The following RBKS variants were observed in gnomAD, a reference collection of about 807,000 sequenced individuals.
The protein encoded by RBKS is ribokinase.
RBKS carries 33 observed loss-of-function variants against 33.9 expected under a neutral mutation model. The observed-to-expected ratio is 0.97, with a 90% CI of 0.74 to 1.30. The LOEUF is 1.30. RBKS is among the 50% of genes most tolerant of loss of function. RBKS has a pLI of 0.00. For synonymous variants in RBKS, 125 were observed against 143.0 expected (o/e 0.87, Z 0.90); for missense variants, 361 against 392.6 (o/e 0.92, Z 0.68).
intron 7 of RBKS, among the ~76,000 whole-genome samples, chr2:27,825,678 T>C (rs1430832231): frequency 6.6e-6 from 1 of 152,202 alleles, no homozygotes; most frequent in Non-Finnish European, 1.5e-5. Context: ...AAGGCAGAGC[T>C]GACAGGGAGG....
chr2:27,889,590 T>G (rs1355251032), intron 1 of RBKS, among the ~76,000 whole-genome samples: 1 of 152,220 alleles, frequency 6.6e-6, no homozygotes, highest in Non-Finnish European at 1.5e-5. Context: ...AACTCAACAA[T>G]TTTCATTTGG....
chr2:27,878,298 G>A, intron 1 of RBKS, among the ~76,000 whole-genome samples: 1 of 150,502 alleles, frequency 6.6e-6, no homozygotes, highest in Non-Finnish European at 1.5e-5. Context: ...TTTTGTTCTT[G>A]CGATAGTTTA....
chr2:27,816,818 C>T (rs1304651616), intron 7 of RBKS, among the ~76,000 whole-genome samples: 1 of 152,118 alleles, frequency 6.6e-6, no homozygotes, highest in Admixed American at 6.6e-5. Flanking sequence ...AGGATGGTCT[C>T]GATCTCCTGA....
intron 6 of RBKS, among the ~76,000 whole-genome samples, chr2:27,831,310 T>C (rs1678410110): frequency 6.6e-6 from 1 of 152,078 alleles, no homozygotes; most frequent in Non-Finnish European, 1.5e-5. Context: ...GAACTTGTAA[T>C]TTAATGGAGA....
At chr2:27,869,271 A>G (rs191612977) in intron 1 of RBKS, among the ~76,000 whole-genome samples, 327 of 152,312 alleles carry the variant, frequency 2.1e-3, no homozygotes, top group Non-Finnish European at 3.6e-3. Flanking sequence ...AGCTGAACCA[A>G]GATGCTGAGA....
At position 27,861,665 on chromosome 2, in the gene RBKS, G is replaced by T. The variant is rs183388360; in HGVS notation, c.90-3094C>A. 579 of 426,280 alleles carry T rather than the reference G, an allele frequency of 1.4e-3. 36 individuals are homozygous for T. In the East Asian group the frequency reaches 0.031, roughly 23 times the overall value. The allele number at this position is 426,280 out of a possible 1,614,324, so 26.4% of individuals were successfully genotyped here. ...GATTAGTATGTTCCATTTCTTTTTGGGGGGGGGGTGGAGTCTCACTTTGTC... is the reference window on the plus strand; with the variant it reads ...GATTAGTATGTTCCATTTCTTTTTGTGGGGGGGGTGGAGTCTCACTTTGTC... On this transcript the variant is annotated intron_variant, in intron 1 of 7. Coordinates refer to ENST00000302188, the MANE Select transcript of RBKS (RefSeq NM_022128.3).
intron 7 of RBKS, among the ~76,000 whole-genome samples, chr2:27,815,717 G>A (rs958110968): frequency 6.6e-6 from 1 of 152,156 alleles, no homozygotes; most frequent in Non-Finnish European, 1.5e-5. Context: ...GACAGGTGGG[G>A]CTTAGACGTA....
intron 6 of RBKS, among the ~76,000 whole-genome samples, chr2:27,829,820 G>T (rs1049606588): frequency 2.6e-5 from 4 of 152,146 alleles, no homozygotes; most frequent in African/African-American, 9.7e-5. Context: ...TTACTTCTTG[G>T]TCAGAGGCTG....
intron 7 of RBKS, chr2:27,782,625 A>G (rs1677309584): frequency 2.1e-6 from 1 of 467,610 alleles, no homozygotes; most frequent in Admixed American, 2.4e-5. Flanking sequence ...TTTTCATCAC[A>G]TCATATTAAG....
chr2:27,888,423 G>A (rs890250927), intron 1 of RBKS, among the ~76,000 whole-genome samples: 1 of 152,026 alleles, frequency 6.6e-6, no homozygotes, highest in Admixed American at 6.6e-5. Context: ...CACTGCGCCC[G>A]GTCCACTTTA....
At chr2:27,887,311 A>G (rs1256854225) in intron 1 of RBKS, among the ~76,000 whole-genome samples, 1 of 152,158 alleles carries the variant, frequency 6.6e-6, no homozygotes, top group Non-Finnish European at 1.5e-5. Flanking sequence ...ATCCTCCTCT[A>G]GAGTCTCCAG....
At chr2:27,838,482 T>C (rs560131279) in intron 5 of RBKS, among the ~76,000 whole-genome samples, 129 of 152,292 alleles carry the variant, frequency 8.5e-4, no homozygotes, top group African/African-American at 3.1e-3. Context: ...TGTATAAAAA[T>C]CAACCTTATT....
At chr2:27,858,316 C>CT (rs1247610969) in intron 2 of RBKS, 123 bp downstream of exon 2, 2 of 854,102 alleles carry the variant, frequency 2.3e-6, no homozygotes, top group African/African-American at 3.4e-5. Flanking sequence ...AAATGCCACT[C>CT]TATGTATTAC....
chr2:27,816,277 TG>T (rs1195143103), intron 7 of RBKS, among the ~76,000 whole-genome samples: 2 of 152,250 alleles, frequency 1.3e-5, no homozygotes, highest in Non-Finnish European at 2.9e-5. Context: ...TCTGTTGATG[TG>T]GAAGTAATGT....
At chr2:27,803,572 C>A (rs1677838869) in intron 7 of RBKS, among the ~76,000 whole-genome samples, 1 of 151,844 alleles carries the variant, frequency 6.6e-6, no homozygotes, top group Non-Finnish European at 1.5e-5. Context: ...TACTTATAGT[C>A]CCGCCTGCTT....
At chr2:27,869,809 C>T (rs1448850890) in intron 1 of RBKS, 1 of 153,400 alleles carries the variant, frequency 6.5e-6, no homozygotes, top group Non-Finnish European at 1.5e-5. Context: ...ACTCCATAAT[C>T]TCGTTTTGGT....
intron 7 of RBKS, among the ~76,000 whole-genome samples, chr2:27,811,847 A>C (rs1398004093): frequency 6.6e-6 from 1 of 152,104 alleles, no homozygotes; most frequent in Non-Finnish European, 1.5e-5. Flanking sequence ...TGTTTGGACA[A>C]AAGGTGGGTT....
At chr2:27,789,379 A>G (rs1677464754) in intron 7 of RBKS, among the ~76,000 whole-genome samples, 1 of 151,934 alleles carries the variant, frequency 6.6e-6, no homozygotes. Context: ...GTCGGCACTA[A>G]AAAAATTTCA....
At chr2:27,846,195 T>G (rs1436672708) in intron 4 of RBKS, among the ~76,000 whole-genome samples, 1 of 152,246 alleles carries the variant, frequency 6.6e-6, no homozygotes, top group Non-Finnish European at 1.5e-5. Flanking sequence ...CTTGAACTCC[T>G]GACCTCAAAT....
Sources: allele counts gnomAD v4.1 joint callset (sites outside exome capture counted in the v4.1 genomes callset), GRCh38; gene constraint gnomAD v4.1.1; transcripts MANE v1.5; gene names NCBI Gene and HGNC (gene_info 2026-07-23, HGNC 2026-07-21).